STK32B: variants seen among roughly 807,000 people sequenced by gnomAD.
STK32B encodes the protein serine/threonine-protein kinase 32B.
In STK32B, 43 loss-of-function variants were observed where a neutral mutation model predicts 52.6. The observed-to-expected ratio is 0.82, with a 90% CI of 0.64 to 1.05. The LOEUF (loss-of-function observed/expected upper bound fraction) is 1.05, where lower values mean the gene tolerates loss of function less well. Ranked by LOEUF, STK32B falls within the 50% of genes least tolerant of loss-of-function variation. The probability of loss-of-function intolerance (pLI) is 0.00; values close to 1 mark genes in which losing one functional copy is unlikely to be tolerated. For missense variants in STK32B, 621 were observed against 534.6 expected (o/e 1.16, Z -1.59); for synonymous variants, 238 against 204.3 (o/e 1.17, Z -1.41).
Position 5,173,229 on chromosome 4 carries a change from A to G in STK32B, c.260+4779A>G, listed in dbSNP as rs59103381. 7.1e-4 allele frequency among the ~76,000 whole-genome samples: 108 copies of G among 152,116 alleles called. No individual in the cohort carries two copies. In the East Asian group the frequency reaches 0.019, roughly 26 times the overall value. ...TCTTTATTAGTCTTGCAGTCTATCA[A>G]TTTTGTTGATCTTTCAAAAAACCAG... On this transcript the variant is annotated intron_variant, in intron 3 of 11. Transcript: ENST00000282908.
At chr4:5,345,225 C>G (rs912613775) in intron 4 of STK32B, 1 of 150,640 alleles carries the variant, frequency 6.6e-6, no homozygotes, top group Non-Finnish European at 1.5e-5. Flanking sequence ...GGTTTAAGCC[C>G]AGATATTATT....
chr4:5,250,185 C>G (rs1413484142), intron 3 of STK32B, among the ~76,000 whole-genome samples: 1 of 151,836 alleles, frequency 6.6e-6, no homozygotes, highest in African/African-American at 2.4e-5. Flanking sequence ...GATTCCATGT[C>G]TTTGCTATTG....
intron 3 of STK32B, among the ~76,000 whole-genome samples, chr4:5,189,167 C>T (rs933151612): frequency 6.6e-6 from 1 of 152,048 alleles, no homozygotes; most frequent in African/African-American, 2.4e-5. Flanking sequence ...TCACTATCAC[C>T]CAGGATCCAT....
chr4:5,480,564 G>T (rs1718605644), intron 11 of STK32B, among the ~76,000 whole-genome samples: 1 of 152,082 alleles, frequency 6.6e-6, no homozygotes, highest in Admixed American at 6.6e-5. Context: ...TAAGATAAAG[G>T]ATTGTGGAGA....
At chr4:5,223,100 C>T (rs1188358701) in intron 3 of STK32B, among the ~76,000 whole-genome samples, 1 of 152,148 alleles carries the variant, frequency 6.6e-6, no homozygotes, top group Non-Finnish European at 1.5e-5. Flanking sequence ...GTTACCATAG[C>T]CATAGCTTAA....
chr4:5,254,070 C>T (rs572145959), intron 3 of STK32B, among the ~76,000 whole-genome samples: 1 of 152,120 alleles, frequency 6.6e-6, no homozygotes, highest in East Asian at 1.9e-4. Flanking sequence ...CAGGCGTGAG[C>T]CACTGTGCCC....
At chr4:5,134,801 A>G (rs1281739458) in intron 1 of STK32B, among the ~76,000 whole-genome samples, 1 of 152,216 alleles carries the variant, frequency 6.6e-6, no homozygotes, top group African/African-American at 2.4e-5. Context: ...TTCTTGCTTG[A>G]TGCCCACAGT....
intron 3 of STK32B, among the ~76,000 whole-genome samples, chr4:5,289,753 C>T (rs901910500): frequency 2.1e-5 from 3 of 142,970 alleles, no homozygotes; most frequent in Non-Finnish European, 4.5e-5. Context: ...CCATGTTAGC[C>T]AGGATGGTCT....
At chr4:5,308,295 G>A (rs895411664) in intron 3 of STK32B, among the ~76,000 whole-genome samples, 1 of 152,084 alleles carries the variant, frequency 6.6e-6, no homozygotes, top group African/African-American at 2.4e-5. Flanking sequence ...GGCTTTCTTG[G>A]TATGTTCCTC....
At chr4:5,404,309 T>C (rs1274938697) in intron 5 of STK32B, among the ~76,000 whole-genome samples, 2 of 152,112 alleles carry the variant, frequency 1.3e-5, no homozygotes. Context: ...CTTCTTGGCT[T>C]GTGGCAGCAT....
intron 4 of STK32B, among the ~76,000 whole-genome samples, chr4:5,359,250 T>C (rs1734385108): frequency 6.6e-6 from 1 of 152,206 alleles, no homozygotes; most frequent in Non-Finnish European, 1.5e-5. Flanking sequence ...CTTGCTGTTC[T>C]ATTCCTCATG....
chr4:5,354,255 G>A (rs1238895122), intron 4 of STK32B, among the ~76,000 whole-genome samples: 3 of 152,130 alleles, frequency 2.0e-5, no homozygotes, highest in Non-Finnish European at 2.9e-5. Context: ...TGCAGGGGGT[G>A]AAGAAAAATA....
chr4:5,202,301 G>C (rs1560221483), intron 3 of STK32B, among the ~76,000 whole-genome samples: 1 of 152,260 alleles, frequency 6.6e-6, no homozygotes, highest in Non-Finnish European at 1.5e-5. Context: ...TACAAAGGTT[G>C]GGCTCCCAAG....
intron 4 of STK32B, among the ~76,000 whole-genome samples, chr4:5,382,052 G>A (rs1456369286): frequency 6.6e-6 from 1 of 152,152 alleles, no homozygotes; most frequent in Non-Finnish European, 1.5e-5. Context: ...CCTTGCTTGC[G>A]AGAGGCCAGT....
At chr4:5,366,317 C>T (rs908965279) in intron 4 of STK32B, among the ~76,000 whole-genome samples, 4 of 151,690 alleles carry the variant, frequency 2.6e-5, no homozygotes, top group Non-Finnish European at 5.9e-5. Flanking sequence ...TCTGTTTGCT[C>T]GCACCTTCTT....
chr4:5,109,786 A>G (rs1344209784), intron 1 of STK32B, among the ~76,000 whole-genome samples: 1 of 152,230 alleles, frequency 6.6e-6, no homozygotes, highest in African/African-American at 2.4e-5. Flanking sequence ...CAGGAGAGAG[A>G]GATAAAAGGT....
intron 3 of STK32B, among the ~76,000 whole-genome samples, chr4:5,268,858 GA>G (rs994008449): frequency 2.1e-5 from 3 of 146,028 alleles, no homozygotes; most frequent in South Asian, 2.2e-4. Flanking sequence ...AAAAAAGGGG[GA>G]AAAAACAATA....
chr4:5,347,161 A>G (rs577447982), intron 4 of STK32B, among the ~76,000 whole-genome samples: 2 of 152,298 alleles, frequency 1.3e-5, no homozygotes, highest in African/African-American at 4.8e-5. Flanking sequence ...AAAAGTGTTC[A>G]CCAAATGCAG....
At position 5,412,528 on chromosome 4, in the gene STK32B, G is replaced by A. The variant is rs532545409; in HGVS notation, c.473-4317G>A. 3.5e-4 allele frequency among the ~76,000 whole-genome samples: 54 copies of A among 152,284 alleles called. No homozygotes were observed. The South Asian group carries it at 0.011, about 31-fold the overall frequency. On this transcript the variant is annotated intron_variant, in intron 5 of 11. Coordinates refer to ENST00000282908, the MANE Select transcript of STK32B (RefSeq NM_018401.3). ...GCAACCCTGAAGGCCAGGAGGTAAC[G>A]AGATCAGGACTGTTTGACCCAGCTC...
Sources: allele counts gnomAD v4.1 joint callset (sites outside exome capture counted in the v4.1 genomes callset), GRCh38; gene constraint gnomAD v4.1.1; transcripts MANE v1.5; gene names NCBI Gene and HGNC (gene_info 2026-07-23, HGNC 2026-07-21).